The following CEP164 variants were observed in gnomAD, a reference collection of about 807,000 sequenced individuals.
CEP164 encodes the protein centrosomal protein of 164 kDa.
Under a neutral mutation model 182.7 loss-of-function variants are expected in CEP164, and 162 were observed. The ratio of observed to expected loss-of-function variants is 0.89; its 90% CI spans 0.78 to 1.01. CEP164 has a LOEUF of 1.01. Ranked by LOEUF, CEP164 falls within the 50% of genes least tolerant of loss-of-function variation. CEP164 has a pLI of 0.00. For missense variants in CEP164, 1,735 were observed against 1,790.4 expected (o/e 0.97, Z 0.56); for synonymous variants, 661 against 690.0 (o/e 0.96, Z 0.66).
chr11:117,402,375 C>T (rs1017724328), intron 27 of CEP164, among the ~76,000 whole-genome samples: 2 of 152,130 alleles, frequency 1.3e-5, no homozygotes, highest in African/African-American at 4.8e-5. Flanking sequence ...TGTGTGCCAC[C>T]ATGCCTGGTT....
chr11:117,404,592 C>T (rs2046470748), intron 27 of CEP164, among the ~76,000 whole-genome samples: 1 of 152,220 alleles, frequency 6.6e-6, no homozygotes, highest in Non-Finnish European at 1.5e-5. Context: ...TCTGTCGACC[C>T]CTGCTAGGCG....
chr11:117,362,520 G>A lies in CEP164; in HGVS notation c.669G>A (p.Glu223=). The A allele has an allele frequency of 2.5e-6, 4 of 1,613,566 alleles. No homozygotes were observed. The highest frequency in any genetic ancestry group is 3.4e-6 in the Non-Finnish European group (4 of 1,179,952). The part of the protein sequence containing the change: ...GLGEETNEED[E]EESDNQSVHS... ...GAGAAGAAACCAATGAGGAGGATGA[G>A]GAGGAAAGTGACAACCAGGTAATGA... Residue 223 remains glutamate, a synonymous_variant, in exon 7 of 33, where the codon GAG becomes GAA. Transcript: ENST00000278935.
chr11:117,376,458 A>G (rs904679443), intron 11 of CEP164, among the ~76,000 whole-genome samples: 1 of 152,244 alleles, frequency 6.6e-6, no homozygotes, highest in African/African-American at 2.4e-5. Flanking sequence ...GCTTCAAGCC[A>G]AGAAGACTTT....
At position 117,411,242 on chromosome 11, in the gene CEP164, C is replaced by G. The variant is rs527236464; in HGVS notation, c.4163+348C>G. ...AGCCCCTCCAGCCCCGGAGTCTGGCCTTTGTCTTTGCCCTTGAGCTCTTGT... is the reference window on the plus strand; with the variant it reads ...AGCCCCTCCAGCCCCGGAGTCTGGCGTTTGTCTTTGCCCTTGAGCTCTTGT... On this transcript the variant is annotated intron_variant, in intron 31 of 32. Coordinates refer to ENST00000278935, the MANE Select transcript of CEP164 (RefSeq NM_014956.5). The surrounding 1 kb of genome is among the most constrained non-coding windows in gnomAD (Gnocchi z 4.4). The G allele has an allele frequency of 4.8e-4, 142 of 297,828 alleles. 1 individual carries two copies. The highest frequency in any genetic ancestry group is 2.7e-3 in the African/African-American group (131 of 47,684). 18.4% of individuals were successfully genotyped at this position (297,828 alleles called of 1,614,324 possible).
At chr11:117,368,401 G>A (rs2041872405) in intron 8 of CEP164, among the ~76,000 whole-genome samples, 1 of 152,220 alleles carries the variant, frequency 6.6e-6, no homozygotes, top group Non-Finnish European at 1.5e-5. Context: ...AGGCAGGCAG[G>A]AGCTGGGCCT....
chr11:117,341,724 G>A (rs989787053), intron 3 of CEP164, among the ~76,000 whole-genome samples: 2 of 151,922 alleles, frequency 1.3e-5, no homozygotes, highest in African/African-American at 4.8e-5. Flanking sequence ...GGGATTACAG[G>A]TGTGCATCAC....
chr11:117,387,287 C>T lies in CEP164; in HGVS notation c.1809C>T (p.Leu603=), dbSNP rs372777703. 26 of 1,614,074 alleles carry T rather than the reference C, an allele frequency of 1.6e-5. No individual in the cohort carries two copies. Among genetic ancestry groups the T allele is most frequent in the Middle Eastern group, 1.6e-4 (1 of 6,084 alleles). ...KAMEEAVAQV[L]EQDQRHLLES... ...TGGAAGAGGCAGTGGCCCAAGTACT[C>T]GAGCAAGACCAGAGGCACCTGCTGG... The change falls in exon 15 of 33, where the codon CTC becomes CTT. Residue 603 remains leucine, a synonymous_variant. Coordinates refer to ENST00000278935, the MANE Select transcript of CEP164 (RefSeq NM_014956.5).
chr11:117,362,308 G>T, intron 6 of CEP164, 96 bp from the exon 7 acceptor site: 1 of 1,351,608 alleles, frequency 7.4e-7, no homozygotes, highest in Non-Finnish European at 1.0e-6. Flanking sequence ...CACTTGATCT[G>T]GGAGACATTG....
At chr11:117,336,632 G>T in intron 2 of CEP164, 1 of 1,145,662 alleles carries the variant, frequency 8.7e-7, no homozygotes, top group Non-Finnish European at 1.3e-6. Flanking sequence ...GATTCCACAT[G>T]TTTAGGTGTG....
intron 15 of CEP164, 87 bp downstream of exon 15, chr11:117,387,499 G>C (rs1195689299): frequency 2.3e-6 from 3 of 1,311,738 alleles, no homozygotes; most frequent in Middle Eastern, 2.4e-4. Flanking sequence ...GGGACCACTG[G>C]GATGCCCATG....
intron 12 of CEP164, among the ~76,000 whole-genome samples, chr11:117,380,940 T>C (rs1327389955): frequency 6.6e-6 from 1 of 152,224 alleles, no homozygotes; most frequent in Non-Finnish European, 1.5e-5. Context: ...AGACCCTTTG[T>C]TTCTTCACCA....
chr11:117,339,559 C>A (rs2037787715), intron 3 of CEP164, among the ~76,000 whole-genome samples: 1 of 115,062 alleles, frequency 8.7e-6, no homozygotes, highest in African/African-American at 3.3e-5. Flanking sequence ...GACAGAGTCT[C>A]ACTCTGTCAC....
chr11:117,363,288 T>C (rs1014148157), intron 7 of CEP164, 141 bp from the exon 8 acceptor site: 6 of 600,634 alleles, frequency 1.0e-5, no homozygotes, highest in African/African-American at 5.5e-5. Context: ...GCCTCAGTGG[T>C]GGTCCTGCTC....
intron 1 of CEP164, among the ~76,000 whole-genome samples, chr11:117,331,981 A>AATATATAT (rs56696952): frequency 0.013 from 1,786 of 142,278 alleles, 19 homozygotes; most frequent in East Asian, 0.04. Context: ...ATGCCTGGCT[A>AATATATAT]ATATATATAT....
intron 1 of CEP164, among the ~76,000 whole-genome samples, chr11:117,328,548 G>A (rs12224935): frequency 2.6e-5 from 4 of 152,058 alleles, no homozygotes; most frequent in African/African-American, 9.7e-5. Flanking sequence ...CCTTCTACTC[G>A]GCGCACTCCA....
intron 4 of CEP164, among the ~76,000 whole-genome samples, chr11:117,349,513 G>A (rs980663699): frequency 3.3e-5 from 5 of 151,972 alleles, no homozygotes; most frequent in African/African-American, 1.2e-4. Context: ...CTTAGAGATA[G>A]GGTATTGCTC....
At position 117,387,321 on chromosome 11, in the gene CEP164, C is replaced by T; in HGVS notation, c.1843C>T (p.Gln615Ter). 6.2e-7 allele frequency: 1 copy of T among 1,614,188 alleles called. No homozygotes were observed. ...QDQRHLLESK[Q>*]EKMQQLREKL... is the part of the protein sequence containing the mutation. Reference sequence around the variant, plus strand: ...CCAGAGGCACCTGCTGGAATCCAAGCAAGAGAAGATGCAGCAACTGCGGGA... The same window carrying T: ...CCAGAGGCACCTGCTGGAATCCAAGTAAGAGAAGATGCAGCAACTGCGGGA... The change falls in exon 15 of 33, where the codon CAA (glutamine) becomes TAA (stop). Residue 615 changes from glutamine to a stop codon, truncating the protein, a stop_gained. Coordinates refer to ENST00000278935, the MANE Select transcript of CEP164 (RefSeq NM_014956.5). LOFTEE classifies it high-confidence loss of function.
At position 117,381,698 on chromosome 11, in the gene CEP164, C is replaced by A. The variant is rs975874430; in HGVS notation, c.1410-3C>A. The A allele has an allele frequency of 5.0e-6, 8 of 1,607,102 alleles. No homozygotes were observed. The African/African-American group carries it at 1.1e-4, about 21-fold the overall frequency. On this transcript the variant is annotated splice_region_variant and splice_polypyrimidine_tract_variant and intron_variant, in intron 12 of 32. Transcript: ENST00000278935. ...ACTCTGCTGCTCTGCCCGGCCTGACCAGGTTATCTCCTCCACTTCCACACG... is the reference window on the plus strand; with the variant it reads ...ACTCTGCTGCTCTGCCCGGCCTGACAAGGTTATCTCCTCCACTTCCACACG...
rs531953721 is a variant in CEP164, at chr11:117,411,401, A to G, written c.4164-394A>G. 2.8e-5 allele frequency: 7 copies of G among 253,494 alleles called. No homozygotes were observed. Among genetic ancestry groups the G allele is most frequent in the Admixed American group, 5.0e-5 (1 of 20,060 alleles). 15.7% of individuals were successfully genotyped at this position (253,494 alleles called of 1,614,324 possible). On this transcript the variant is annotated intron_variant, in intron 31 of 32. Transcript: ENST00000278935. The surrounding 1 kb of genome is among the most constrained non-coding windows in gnomAD (Gnocchi z 4.4). ...TTTTCCATTCATCTCATTCCTTGCC[A>G]AATGTTTTCCCCTCTCCCTCCCTTA...
Sources: gnomAD v4.1 joint callset for allele counts (sites outside exome capture counted in the v4.1 genomes callset) on GRCh38, gnomAD v4.1.1 for gene constraint, Gnocchi (gnomAD v3.1) non-coding constraint, MANE v1.5 for transcripts, NCBI Gene and HGNC (gene_info 2026-07-23, HGNC 2026-07-21) for gene names.